CEP63: variants seen among roughly 807,000 people sequenced by gnomAD.
The protein encoded by CEP63 is centrosomal protein 63.
Under a neutral mutation model 89.1 loss-of-function variants are expected in CEP63, and 84 were observed. That is an observed-to-expected ratio of 0.94 (90% confidence interval 0.79 to 1.13). The LOEUF (loss-of-function observed/expected upper bound fraction) is 1.13, where lower values mean the gene tolerates loss of function less well. Among genes scored for constraint, CEP63 ranks in the 50% most tolerant of loss-of-function variants. The probability of loss-of-function intolerance (pLI) is 0.00; values close to 1 mark genes in which losing one functional copy is unlikely to be tolerated. For missense variants in CEP63, 838 were observed against 813.3 expected (o/e 1.03, Z -0.37); for synonymous variants, 267 against 272.5 (o/e 0.98, Z 0.20).
the CEP63 span, chr3:134,607,845 T>G: frequency 1.0e-6 from 1 of 987,962 alleles, no homozygotes; most frequent in African/African-American, 1.7e-5. Context: ...GGGTCCCGCC[T>G]CCAGAAGGGA....
chr3:134,699,534 T>A, the CEP63 span, among the ~76,000 whole-genome samples: 2 of 152,250 alleles, frequency 1.3e-5, no homozygotes, highest in Non-Finnish European at 2.9e-5. Context: ...CAGGACAGAC[T>A]GTCTCTTGGC....
chr3:134,689,122 TG>T, the CEP63 span, among the ~76,000 whole-genome samples: 1 of 152,162 alleles, frequency 6.6e-6, no homozygotes, highest in African/African-American at 2.4e-5. Flanking sequence ...TTGAATCTCC[TG>T]TTGGCCTCAT....
the CEP63 span, among the ~76,000 whole-genome samples, chr3:134,669,030 T>C: frequency 6.6e-6 from 1 of 152,084 alleles, no homozygotes; most frequent in African/African-American, 2.4e-5. Context: ...TCTTCCTTTT[T>C]TTTTTGAGAC....
At chr3:134,711,613 T>C in the CEP63 span, among the ~76,000 whole-genome samples, 21 of 152,348 alleles carry the variant, frequency 1.4e-4, no homozygotes, top group Admixed American at 9.8e-4. Flanking sequence ...TATTGGTAAC[T>C]GATAATTAAT....
intron 3 of CEP63, among the ~76,000 whole-genome samples, chr3:134,508,395 A>G (rs1262862117): frequency 6.6e-6 from 1 of 152,210 alleles, no homozygotes; most frequent in Non-Finnish European, 1.5e-5. Context: ...ATGCAAAAGT[A>G]CAGTGAATGG....
At chr3:134,732,680 G>T in the CEP63 span, among the ~76,000 whole-genome samples, 22 of 152,228 alleles carry the variant, frequency 1.4e-4, no homozygotes, top group South Asian at 1.0e-3. Context: ...AGTTCAGTCT[G>T]CATGTAATTG....
chr3:134,533,803 G>T (rs1044192722), intron 5 of CEP63, among the ~76,000 whole-genome samples: 3 of 152,112 alleles, frequency 2.0e-5, no homozygotes, highest in African/African-American at 7.2e-5. Flanking sequence ...TTACAAGTTT[G>T]TACTCTGGGT....
chr3:134,765,365 C>T, the CEP63 span, among the ~76,000 whole-genome samples: 1 of 152,190 alleles, frequency 6.6e-6, no homozygotes, highest in Non-Finnish European at 1.5e-5. Context: ...TGTCCTTACA[C>T]AGGAGAAGAC....
At chr3:134,621,553 T>A in the CEP63 span, among the ~76,000 whole-genome samples, 2 of 152,178 alleles carry the variant, frequency 1.3e-5, no homozygotes, top group African/African-American at 4.8e-5. Context: ...TCATGCCATA[T>A]ACAAAAACAA....
chr3:134,665,646 A>G, the CEP63 span, among the ~76,000 whole-genome samples: 1 of 142,562 alleles, frequency 7.0e-6, no homozygotes, highest in Non-Finnish European at 1.5e-5. Context: ...GAGAGGGGAA[A>G]CAGAGGACAC....
the CEP63 span, chr3:134,651,013 C>T: frequency 1.2e-6 from 2 of 1,609,864 alleles, no homozygotes; most frequent in South Asian, 1.1e-5. Context: ...AGGCTGCTTG[C>T]GCTGCAAATG....
chr3:134,557,810 T>G (rs2110085512), intron 12 of CEP63, among the ~76,000 whole-genome samples: 1 of 152,318 alleles, frequency 6.6e-6, no homozygotes, highest in Non-Finnish European at 1.5e-5. Flanking sequence ...AACCTTCACC[T>G]TCTTGCAGAA....
At chr3:134,698,966 A>G in the CEP63 span, among the ~76,000 whole-genome samples, 13 of 152,148 alleles carry the variant, frequency 8.5e-5, no homozygotes, top group African/African-American at 2.9e-4. Context: ...CTTTGCTCCA[A>G]TGAGGCTGTA....
At chr3:134,701,221 TA>T in the CEP63 span, among the ~76,000 whole-genome samples, 4 of 144,056 alleles carry the variant, frequency 2.8e-5, no homozygotes, top group African/African-American at 1.0e-4. Flanking sequence ...TATATGTGTG[TA>T]TATATACGTA....
At chr3:134,542,592 G>T (rs945781008) in intron 6 of CEP63, among the ~76,000 whole-genome samples, 1 of 152,144 alleles carries the variant, frequency 6.6e-6, no homozygotes, top group Non-Finnish European at 1.5e-5. Context: ...AAAATAAAAA[G>T]CCTTGTTGCT....
In CEP63 at chr3:134,555,860, T is replaced by C. The variant is rs1307187286; in HGVS notation, c.1468-2282T>C. On this transcript the variant is annotated intron_variant, in intron 12 of 14. Transcript: ENST00000675561. Reference sequence around the variant, plus strand: ...AACAAAGCTGGAGGCATCACCCTACTTGACTTCAAACTATACTACAAGGCT... The same window carrying C: ...AACAAAGCTGGAGGCATCACCCTACCTGACTTCAAACTATACTACAAGGCT... Among the ~76,000 whole-genome samples the C allele has an allele frequency of 9.9e-5, 15 of 152,164 alleles. 1 individual carries two copies. The South Asian group carries it at 1.0e-3, about 11-fold the overall frequency.
At chr3:134,635,352 C>T in the CEP63 span, among the ~76,000 whole-genome samples, 2 of 151,962 alleles carry the variant, frequency 1.3e-5, no homozygotes, top group Non-Finnish European at 2.9e-5. Context: ...CAAAGATTAG[C>T]TGGGCATGGT....
the CEP63 span, among the ~76,000 whole-genome samples, chr3:134,648,436 T>C: frequency 6.6e-6 from 1 of 152,174 alleles, no homozygotes; most frequent in African/African-American, 2.4e-5. Context: ...ACATAGACTT[T>C]TGGGATAAGA....
the CEP63 span, among the ~76,000 whole-genome samples, chr3:134,665,201 C>T: frequency 1.3e-5 from 2 of 152,198 alleles, no homozygotes; most frequent in East Asian, 1.9e-4. Flanking sequence ...AGGGCATCTA[C>T]ACTGCTGTGA....
Sources: gnomAD v4.1 joint callset for allele counts (sites outside exome capture counted in the v4.1 genomes callset) on GRCh38, gnomAD v4.1.1 for gene constraint, MANE v1.5 for transcripts, NCBI Gene and HGNC (gene_info 2026-07-23, HGNC 2026-07-21) for gene names.